ESRRG: variants seen among roughly 807,000 people sequenced by gnomAD.
ESRRG encodes estrogen-related receptor gamma.
A neutral mutation model predicts 44.0 loss-of-function variants in ESRRG; 13 were observed. The ratio of observed to expected loss-of-function variants is 0.30; its 90% CI spans 0.19 to 0.47. The LOEUF (loss-of-function observed/expected upper bound fraction) is 0.47, where lower values mean the gene tolerates loss of function less well. Among genes scored for constraint, ESRRG ranks in the 20% least tolerant of loss-of-function variants. The pLI, the probability that ESRRG is intolerant of heterozygous loss-of-function variation, is 1.00. For synonymous variants in ESRRG, 215 were observed against 214.6 expected, an observed-to-expected ratio of 1.00 and a Z score of -0.02; for missense variants, 395 against 580.6, an observed-to-expected ratio of 0.68 and a Z score of 3.29.
At chr1:216,664,348 T>C (rs903090139) in intron 2 of ESRRG, among the ~76,000 whole-genome samples, 3 of 151,858 alleles carry the variant, frequency 2.0e-5, no homozygotes, top group Non-Finnish European at 2.9e-5. Flanking sequence ...GCCTACTTCA[T>C]TGGGATGATT....
intron 1 of ESRRG, among the ~76,000 whole-genome samples, chr1:216,709,238 T>C (rs915515594): frequency 1.3e-5 from 2 of 151,796 alleles, no homozygotes; most frequent in Non-Finnish European, 2.9e-5. Context: ...ATCAGTGTAA[T>C]GACAATACAT....
intron 5 of ESRRG, among the ~76,000 whole-genome samples, chr1:216,530,142 G>T (rs950571158): frequency 1.3e-5 from 2 of 150,136 alleles, no homozygotes; most frequent in African/African-American, 4.9e-5. Context: ...AAGGGGGTGG[G>T]GGAAAGAATA....
Position 217,109,019 on chromosome 1 carries a change from G to A in ESRRG, c.-230+28648C>T, listed in dbSNP as rs528770140. ...TACAACAACATCTTTACAACAGATC[G>A]CATGGGCACATGTGTTGAAACTGTG... is the stretch of plus-strand genomic sequence containing the variant. On this transcript the variant is annotated intron_variant, in intron 1 of 8. Coordinates refer to the ESRRG transcript ENST00000366940. Among the ~76,000 whole-genome samples, 12 of 152,106 alleles carry A rather than the reference G, an allele frequency of 7.9e-5. No homozygotes were observed. The South Asian group carries it at 1.7e-3, about 21-fold the overall frequency.
intron 2 of ESRRG, among the ~76,000 whole-genome samples, chr1:216,904,780 T>G (rs1432875511): frequency 6.6e-6 from 1 of 152,204 alleles, no homozygotes. Context: ...CCCCAGCCAT[T>G]GCTTGGAAGT....
chr1:216,595,827 TA>T (rs2058347122), intron 3 of ESRRG, among the ~76,000 whole-genome samples: 1 of 152,228 alleles, frequency 6.6e-6, no homozygotes, highest in South Asian at 2.1e-4. Context: ...ACAGCATCAA[TA>T]GCATTTTTTT....
At chr1:216,553,507 GC>G (rs989234582) in intron 5 of ESRRG, among the ~76,000 whole-genome samples, 5 of 152,120 alleles carry the variant, frequency 3.3e-5, no homozygotes, top group African/African-American at 1.2e-4. Context: ...ATTTGTGGTT[GC>G]CAGAATAATG....
chr1:216,754,149 A>G (rs1241518215), intron 2 of ESRRG, among the ~76,000 whole-genome samples: 2 of 152,062 alleles, frequency 1.3e-5, no homozygotes, highest in Non-Finnish European at 2.9e-5. Context: ...TGGAGGAAAA[A>G]CAAAAACCCG....
chr1:216,556,128 C>A (rs2057495744), intron 5 of ESRRG, among the ~76,000 whole-genome samples: 1 of 152,016 alleles, frequency 6.6e-6, no homozygotes, highest in Admixed American at 6.6e-5. Context: ...AATTTTCTCA[C>A]AAAACCACGA....
chr1:217,057,910 G>C (rs1254972772), intron 1 of ESRRG, among the ~76,000 whole-genome samples: 1 of 152,104 alleles, frequency 6.6e-6, no homozygotes, highest in South Asian at 2.1e-4. Context: ...GTGGCCCAGG[G>C]AAGCCAAAAG....
chr1:216,520,786 T>C (rs1553290313), intron 5 of ESRRG, among the ~76,000 whole-genome samples: 1 of 152,210 alleles, frequency 6.6e-6, no homozygotes, highest in Non-Finnish European at 1.5e-5. Context: ...AATCTATTTT[T>C]ACTCCCTTTC....
Position 216,994,705 on chromosome 1 carries a change from C to T in ESRRG, c.-105-55032G>A, listed in dbSNP as rs540693854. On this transcript the variant is annotated intron_variant, in intron 1 of 7. Coordinates refer to the ESRRG transcript ENST00000359162. ...CACGCCATTCTCCTGCCTCAGCCTC[C>T]GGAGTAGCTGGGACTACAGGTGCCC... Among the ~76,000 whole-genome samples, 111 of 152,212 alleles carry T rather than the reference C, an allele frequency of 7.3e-4. No individual in the cohort carries two copies. The South Asian group carries it at 0.013, about 17-fold the overall frequency.
At chr1:216,522,322 G>C (rs1219345720) in intron 5 of ESRRG, among the ~76,000 whole-genome samples, 1 of 113,752 alleles carries the variant, frequency 8.8e-6, no homozygotes, top group African/African-American at 3.4e-5. Context: ...AGCACAAAAG[G>C]TTTGACACAT....
chr1:217,082,689 T>A (rs2091849328), intron 1 of ESRRG, among the ~76,000 whole-genome samples: 1 of 132,666 alleles, frequency 7.5e-6, no homozygotes, highest in African/African-American at 2.9e-5. Context: ...CACCTCACCC[T>A]CTTCTTCATC....
At chr1:217,068,017 T>C (rs1174162015) in intron 1 of ESRRG, among the ~76,000 whole-genome samples, 1 of 152,172 alleles carries the variant, frequency 6.6e-6, no homozygotes, top group Non-Finnish European at 1.5e-5. Context: ...GGGATTACTC[T>C]CTTATTACAT....
At chr1:216,726,122 T>C (rs958663164), upstream of ESRRG, among the ~76,000 whole-genome samples, 8 of 152,184 alleles carry the variant, frequency 5.3e-5, no homozygotes, top group African/African-American at 1.2e-4. Context: ...CAAACATACA[T>C]AGTGTCATCC....
chr1:216,790,444 TA>T (rs1162534052), intron 2 of ESRRG, among the ~76,000 whole-genome samples: 4 of 152,122 alleles, frequency 2.6e-5, no homozygotes, highest in Non-Finnish European at 5.9e-5. Flanking sequence ...ACATAAAAGA[TA>T]AACTAATATA....
intron 3 of ESRRG, among the ~76,000 whole-genome samples, chr1:216,606,787 C>T (rs1292455226): frequency 6.6e-6 from 1 of 152,098 alleles, no homozygotes; most frequent in Non-Finnish European, 1.5e-5. Context: ...CAGAAAGAGA[C>T]AGTGTGGGAG....
At chr1:216,547,118 A>G (rs975688278) in intron 5 of ESRRG, among the ~76,000 whole-genome samples, 2 of 151,988 alleles carry the variant, frequency 1.3e-5, no homozygotes, top group African/African-American at 2.4e-5. Flanking sequence ...TTAAACTTCA[A>G]TTTTCACAGT....
intron 2 of ESRRG, among the ~76,000 whole-genome samples, chr1:216,915,675 G>A (rs1184063093): frequency 6.6e-6 from 1 of 152,190 alleles, no homozygotes; most frequent in East Asian, 1.9e-4. Flanking sequence ...CAGGATGCAA[G>A]GCTGCATCTA....
Sources: gnomAD v4.1 joint callset for allele counts (sites outside exome capture counted in the v4.1 genomes callset) on GRCh38, gnomAD v4.1.1 for gene constraint, MANE v1.5 for transcripts, NCBI Gene and HGNC (gene_info 2026-07-23, HGNC 2026-07-21) for gene names.